The following SPATA16 variants were observed in gnomAD, a reference collection of about 807,000 sequenced individuals.
The protein encoded by SPATA16 is spermatogenesis-associated protein 16.
SPATA16 carries 36 observed loss-of-function variants against 63.3 expected under a neutral mutation model. The observed-to-expected ratio is 0.57, with a 90% confidence interval of 0.44 to 0.75. SPATA16 has a LOEUF of 0.75. SPATA16 is among the 30% of genes least tolerant of loss of function. The pLI is 0.00. For synonymous variants in SPATA16, 203 were observed against 216.7 expected, an observed-to-expected ratio of 0.94 and a Z score of 0.56; for missense variants, 646 against 679.3, an observed-to-expected ratio of 0.95 and a Z score of 0.54.
In SPATA16 at chr3:172,913,713, G is replaced by A. The variant is rs1338684206; in HGVS notation, c.1535C>T (p.Thr512Ile). The A allele has an allele frequency of 1.2e-6, 2 of 1,613,642 alleles. No individual in the cohort carries two copies. The highest frequency in any genetic ancestry group is 1.1e-5 in the South Asian group (1 of 91,056). ...LQSLMADAMD[T>I]LEGRRNNNER... ...ATTATTGTTTCTTCTTCCTTCAAGG[G>A]TGTCCATAGCATCTGCCATTAGTGA... The change falls in exon 10 of 11, where the codon ACC becomes ATC. Residue 512 changes from threonine to isoleucine, a missense_variant. Coordinates refer to ENST00000351008, the MANE Select transcript of SPATA16 (RefSeq NM_031955.6).
At chr3:173,092,190 T>C (rs947959236) in intron 2 of SPATA16, among the ~76,000 whole-genome samples, 4 of 152,142 alleles carry the variant, frequency 2.6e-5, no homozygotes. Context: ...GGAGTTTCTA[T>C]CTCTTAAATA....
At chr3:172,890,404 C>A (rs1369226982) in intron 10 of SPATA16, among the ~76,000 whole-genome samples, 8 of 152,152 alleles carry the variant, frequency 5.3e-5, no homozygotes, top group African/African-American at 1.7e-4. Flanking sequence ...GAATTGATTT[C>A]TCATGAAAGT....
intron 9 of SPATA16, among the ~76,000 whole-genome samples, chr3:172,915,467 T>G (rs191504847): frequency 6.6e-6 from 1 of 152,246 alleles, no homozygotes; most frequent in Admixed American, 6.5e-5. Context: ...CATTACTATG[T>G]GAATTCAATT....
At chr3:172,901,908 C>T (rs1292789513) in intron 10 of SPATA16, among the ~76,000 whole-genome samples, 2 of 152,164 alleles carry the variant, frequency 1.3e-5, no homozygotes, top group African/African-American at 4.8e-5. Context: ...TACCAGGTCT[C>T]CTCCAACACC....
chr3:172,972,525 GAGAAA>G (rs1734070353), intron 5 of SPATA16, among the ~76,000 whole-genome samples: 1 of 152,136 alleles, frequency 6.6e-6, no homozygotes. Context: ...AATTTTTTAA[GAGAAA>G]AGAAAACTCC....
intron 10 of SPATA16, among the ~76,000 whole-genome samples, chr3:172,900,679 T>C (rs1316749577): frequency 1.7e-4 from 26 of 152,052 alleles, no homozygotes; most frequent in Admixed American, 1.6e-3. Context: ...CTCACACTGT[T>C]GCCCGGGCTG....
chr3:172,925,506 G>A lies in SPATA16; in HGVS notation c.1082-14C>T. The A allele has an allele frequency of 6.2e-7, 1 of 1,613,900 alleles. No homozygotes were observed. On this transcript the variant is annotated splice_polypyrimidine_tract_variant and intron_variant, in intron 6 of 10. Transcript: ENST00000351008. ...GTGCTTGAAGATCTGAAATATGACA[G>A]AAAGAGAACTAAGAGGCTTTGTTAT...
intron 3 of SPATA16, among the ~76,000 whole-genome samples, chr3:173,040,064 T>A (rs1735803249): frequency 6.6e-6 from 1 of 152,064 alleles, no homozygotes; most frequent in Non-Finnish European, 1.5e-5. Context: ...TCTCTTATTG[T>A]ACATAGTCAT....
At chr3:172,992,632 T>A (rs116749592) in intron 4 of SPATA16, among the ~76,000 whole-genome samples, 244 of 152,258 alleles carry the variant, frequency 1.6e-3, no homozygotes, top group Non-Finnish European at 2.9e-3. Flanking sequence ...TGAGTTTATA[T>A]AATCCACTTG....
chr3:173,015,888 GTGTGT>G (rs1054907728), intron 4 of SPATA16, among the ~76,000 whole-genome samples: 1 of 149,926 alleles, frequency 6.7e-6, no homozygotes, highest in African/African-American at 2.5e-5. Context: ...GTGTGTGTGT[GTGTGT>G]AAGTATGAGT....
chr3:173,068,830 G>A (rs1212087759), intron 2 of SPATA16, among the ~76,000 whole-genome samples: 1 of 122,084 alleles, frequency 8.2e-6, no homozygotes, highest in Non-Finnish European at 1.7e-5. Context: ...AAAAAAAAAG[G>A]CCGGGCGTGG....
chr3:173,088,211 A>G (rs1269263629), intron 2 of SPATA16, among the ~76,000 whole-genome samples: 1 of 149,436 alleles, frequency 6.7e-6, no homozygotes, highest in Non-Finnish European at 1.5e-5. Context: ...CAGCCTCCCA[A>G]GTAGCTGGTA....
intron 2 of SPATA16, among the ~76,000 whole-genome samples, chr3:173,107,354 G>C (rs555921408): frequency 2.6e-5 from 4 of 152,044 alleles, no homozygotes; most frequent in African/African-American, 9.6e-5. Flanking sequence ...TATTTTAGTA[G>C]TGGCATTCAA....
At chr3:172,993,861 A>C (rs1238107295) in intron 4 of SPATA16, among the ~76,000 whole-genome samples, 5 of 152,108 alleles carry the variant, frequency 3.3e-5, no homozygotes, top group Non-Finnish European at 5.9e-5. Context: ...GGAATCCCAG[A>C]AGACAGTTGG....
chr3:173,119,282 C>T (rs1242116883), intron 1 of SPATA16, among the ~76,000 whole-genome samples: 1 of 152,108 alleles, frequency 6.6e-6, no homozygotes, highest in Admixed American at 6.5e-5. Flanking sequence ...ATGTAACAAA[C>T]CTGCACGTTC....
At chr3:172,913,234 T>C (rs11713743) in intron 10 of SPATA16, among the ~76,000 whole-genome samples, 73,853 of 152,020 alleles carry the variant, frequency 0.49, 20,880 homozygotes, top group South Asian at 0.68. Flanking sequence ...GTATGTTAGT[T>C]CTTTACTAAA....
intron 4 of SPATA16, among the ~76,000 whole-genome samples, chr3:173,014,205 G>T (rs994853748): frequency 6.6e-6 from 1 of 152,094 alleles, no homozygotes; most frequent in African/African-American, 2.4e-5. Context: ...CCAGTGGACT[G>T]GATAAAGAAA....
chr3:173,053,560 A>G (rs993919560), intron 2 of SPATA16, among the ~76,000 whole-genome samples: 1 of 152,218 alleles, frequency 6.6e-6, no homozygotes, highest in African/African-American at 2.4e-5. Context: ...AAACCACATT[A>G]GTTGCAGAAA....
chr3:173,054,261 G>A (rs1385462895), intron 2 of SPATA16, among the ~76,000 whole-genome samples: 1 of 151,988 alleles, frequency 6.6e-6, no homozygotes, highest in South Asian at 2.1e-4. Context: ...AAAAAACACA[G>A]GACCCAGCAA....
Sources: allele counts gnomAD v4.1 joint callset (sites outside exome capture counted in the v4.1 genomes callset), GRCh38; gene constraint gnomAD v4.1.1; transcripts MANE v1.5; gene names NCBI Gene and HGNC (gene_info 2026-07-23, HGNC 2026-07-21).